Variants in PIP4K2A observed in about 807,000 individuals in gnomAD.
PIP4K2A encodes the protein phosphatidylinositol 5-phosphate 4-kinase type-2 alpha.
A neutral mutation model predicts 42.9 loss-of-function variants in PIP4K2A; 14 were observed. That is an observed-to-expected ratio of 0.33 (90% CI 0.22 to 0.51). The LOEUF (loss-of-function observed/expected upper bound fraction) is 0.51. Ranked by LOEUF, PIP4K2A falls within the 20% of genes least tolerant of loss-of-function variation. PIP4K2A has a pLI of 0.97. For synonymous variants in PIP4K2A, 192 were observed against 192.2 expected (o/e 1.00, Z 0.01); for missense variants, 434 against 519.8 (o/e 0.83, Z 1.61).
At chr10:22,686,874 T>C (rs1839775025) in intron 1 of PIP4K2A, among the ~76,000 whole-genome samples, 1 of 152,204 alleles carries the variant, frequency 6.6e-6, no homozygotes, top group South Asian at 2.1e-4. Context: ...TTAGACCATT[T>C]GAATTTTTCA....
chr10:22,686,773 A>AT (rs1418671146), intron 1 of PIP4K2A, among the ~76,000 whole-genome samples: 2 of 152,082 alleles, frequency 1.3e-5, no homozygotes, highest in Admixed American at 6.5e-5. Context: ...CCCAGCCTCT[A>AT]TTTTTTTCTT....
intron 1 of PIP4K2A, among the ~76,000 whole-genome samples, chr10:22,663,105 TA>T (rs1344358428): frequency 6.6e-6 from 1 of 152,226 alleles, no homozygotes; most frequent in Non-Finnish European, 1.5e-5. Flanking sequence ...GTGTCAGCAG[TA>T]AACTGAGAGG....
intron 3 of PIP4K2A, among the ~76,000 whole-genome samples, chr10:22,598,948 T>C (rs1435803226): frequency 6.6e-6 from 1 of 152,194 alleles, no homozygotes; most frequent in Non-Finnish European, 1.5e-5. Flanking sequence ...TAGTTTCATA[T>C]TATAAATTAC....
chr10:22,692,979 C>G (rs1301038295), intron 1 of PIP4K2A, among the ~76,000 whole-genome samples: 5 of 152,204 alleles, frequency 3.3e-5, no homozygotes. Flanking sequence ...CTGCCTCACT[C>G]TGATACCTGG....
intron 4 of PIP4K2A, among the ~76,000 whole-genome samples, chr10:22,578,486 C>G (rs141306972): frequency 1.7e-3 from 253 of 152,336 alleles, no homozygotes; most frequent in Admixed American, 4.6e-3. Flanking sequence ...CCCTTGGCTT[C>G]TGAGACGCTG....
chr10:22,707,604 G>A (rs1833845228), intron 1 of PIP4K2A, among the ~76,000 whole-genome samples: 1 of 152,182 alleles, frequency 6.6e-6, no homozygotes, highest in African/African-American at 2.4e-5. Flanking sequence ...AGAACTCAAA[G>A]AAATGAATGA....
At chr10:22,596,204 T>TTAAAAAAAAA (rs1837630738) in intron 3 of PIP4K2A, among the ~76,000 whole-genome samples, 1 of 3,152 alleles carries the variant, frequency 3.2e-4, no homozygotes, top group Non-Finnish European at 8.1e-4. Context: ...AAACTCCGTC[T>TTAAAAAAAAA]CAAAAAAAAA....
At chr10:22,694,912 C>T (rs915912405) in intron 1 of PIP4K2A, among the ~76,000 whole-genome samples, 2 of 152,052 alleles carry the variant, frequency 1.3e-5, no homozygotes, top group Non-Finnish European at 2.9e-5. Context: ...TGGAAATTTA[C>T]CAGAAAAATT....
At chr10:22,680,533 G>GT (rs1300675149) in intron 1 of PIP4K2A, among the ~76,000 whole-genome samples, 2 of 152,120 alleles carry the variant, frequency 1.3e-5, no homozygotes, top group Non-Finnish European at 2.9e-5. Context: ...GGATGAGAGG[G>GT]TATTTTCCCT....
At chr10:22,563,498 G>A (rs538988961) in intron 6 of PIP4K2A, among the ~76,000 whole-genome samples, 1 of 152,138 alleles carries the variant, frequency 6.6e-6, no homozygotes, top group African/African-American at 2.4e-5. Flanking sequence ...TCAAGTTTTA[G>A]AATCAACTGT....
At position 22,591,711 on chromosome 10, in the gene PIP4K2A, G is replaced by T; in HGVS notation, c.410C>A (p.Ser137Tyr). 1 of 1,613,826 alleles carries T rather than the reference G, an allele frequency of 6.2e-7. No individual in the cohort carries two copies. Among genetic ancestry groups the T allele is most frequent in the Non-Finnish European group, 8.5e-7 (1 of 1,179,796 alleles). The change falls in exon 4 of 10, where the codon TCC becomes TAC. Residue 137 changes from serine (S) to tyrosine (Y), a missense_variant. Around this residue, in one of 2 missense-constraint regions of PIP4K2A, gnomAD observed 395 missense variants for 444.5 expected, o/e 0.89. Transcript: ENST00000376573. ...QARSGARFHT[S>Y]YDKRYIIKTI... ...CTTGATGATGTATCTTTTGTCGTAG[G>T]AAGTGTGAAAACGAGCTCCACTGCG...
rs1187235255 is a variant in PIP4K2A at position 22,546,190 on chromosome 10, C to A, written c.793-4143G>T. Among the ~76,000 whole-genome samples, 6 of 152,262 alleles carry A rather than the reference C, an allele frequency of 3.9e-5. No homozygotes were observed. The East Asian group carries it at 1.2e-3, about 29-fold the overall frequency. On this transcript the variant is annotated intron_variant, in intron 7 of 9. Transcript: ENST00000376573. The stretch of plus-strand genomic sequence containing the variant: ...CTTTAAAATTGGACAATGCCACTCA[C>A]CTCACAGGGGTGTCGAAGAATTAAG...
chr10:22,654,851 T>C (rs1839066938), intron 1 of PIP4K2A, among the ~76,000 whole-genome samples: 1 of 152,186 alleles, frequency 6.6e-6, no homozygotes. Context: ...AGGTTTTACC[T>C]GTGAAAGTTC....
chr10:22,640,093 T>A (rs1750747), intron 1 of PIP4K2A, among the ~76,000 whole-genome samples: 50,812 of 148,620 alleles, frequency 0.34, 9,516 homozygotes, highest in African/African-American at 0.49. Flanking sequence ...GGATTAACAG[T>A]GCTTTGATTG....
intron 1 of PIP4K2A, among the ~76,000 whole-genome samples, chr10:22,640,663 A>C (rs1838763389): frequency 6.6e-6 from 1 of 152,184 alleles, no homozygotes; most frequent in Non-Finnish European, 1.5e-5. Context: ...CCTAATATCC[A>C]GGCTTCTCAC....
In PIP4K2A at chr10:22,543,559, C is replaced by T. The variant is rs118124605; in HGVS notation, c.793-1512G>A. 1.0e-2 allele frequency among the ~76,000 whole-genome samples: 1,520 copies of T among 152,322 alleles called. 8 individuals are homozygous for T. The highest frequency in any genetic ancestry group is 0.027 in the Middle Eastern group (8 of 294). ...CACTGCTCATCCCCCCTGGTCTTTC[C>T]CCAAACTCCCCCATTACAGTAAACA... On this transcript the variant is annotated intron_variant, in intron 7 of 9. Transcript: ENST00000376573.
At chr10:22,559,776 T>C (rs983894039) in intron 6 of PIP4K2A, among the ~76,000 whole-genome samples, 1 of 152,104 alleles carries the variant, frequency 6.6e-6, no homozygotes, top group Admixed American at 6.6e-5. Flanking sequence ...TGGAGGAAGG[T>C]CCAGGAAAGC....
intron 7 of PIP4K2A, among the ~76,000 whole-genome samples, chr10:22,545,676 A>T (rs945637988): frequency 6.6e-6 from 1 of 152,228 alleles, no homozygotes; most frequent in African/African-American, 2.4e-5. Context: ...GAAGACTGAG[A>T]AAATTGCAGT....
At chr10:22,685,141 G>A (rs1380793076) in intron 1 of PIP4K2A, among the ~76,000 whole-genome samples, 1 of 151,998 alleles carries the variant, frequency 6.6e-6, no homozygotes, top group Admixed American at 6.6e-5. Context: ...CTTGAATTGA[G>A]TATTTAAAGT....
Sources: gnomAD v4.1 joint callset for allele counts (sites outside exome capture counted in the v4.1 genomes callset) on GRCh38, gnomAD v4.1.1 for gene constraint, gnomAD v4.1.1 regional missense constraint, MANE v1.5 for transcripts, NCBI Gene and HGNC (gene_info 2026-07-23, HGNC 2026-07-21) for gene names.